Variants in DPY19L4 observed in about 807,000 individuals in gnomAD.
The protein encoded by DPY19L4 is dpy-19 like 4.
In DPY19L4, 97 loss-of-function variants were observed where a neutral mutation model predicts 102.8. The observed-to-expected ratio is 0.94, with a 90% CI of 0.80 to 1.12. DPY19L4 has a LOEUF of 1.12. Ranked by LOEUF, DPY19L4 falls within the 50% of genes most tolerant of loss-of-function variation. DPY19L4 has a pLI of 0.00. For missense variants in DPY19L4, 815 were observed against 850.4 expected (o/e 0.96, Z 0.52); for synonymous variants, 252 against 283.1 (o/e 0.89, Z 1.10).
At chr8:94,751,573 C>A (rs1030120571) in intron 6 of DPY19L4, among the ~76,000 whole-genome samples, 1 of 151,752 alleles carries the variant, frequency 6.6e-6, no homozygotes, top group South Asian at 2.1e-4. Context: ...CTCACTGCAG[C>A]CTCTGCCTCC....
chr8:94,722,750 C>T (rs976004046), intron 1 of DPY19L4, among the ~76,000 whole-genome samples: 3 of 152,086 alleles, frequency 2.0e-5, no homozygotes, highest in Admixed American at 1.3e-4. Flanking sequence ...ATCTTTTGTT[C>T]GCTGTGTTAA....
intron 18 of DPY19L4, among the ~76,000 whole-genome samples, chr8:94,789,115 C>G (rs1002818072): frequency 6.6e-6 from 1 of 152,192 alleles, no homozygotes; most frequent in African/African-American, 2.4e-5. Flanking sequence ...TGAAGCCTTT[C>G]TATTCTGCTC....
intron 6 of DPY19L4, among the ~76,000 whole-genome samples, chr8:94,749,110 C>G (rs190969638): frequency 1.3e-5 from 2 of 151,770 alleles, no homozygotes; most frequent in Non-Finnish European, 2.9e-5. Context: ...TTCACTATCA[C>G]GAGAATAGCA....
In DPY19L4 at chr8:94,726,406, T is replaced by C; in HGVS notation, c.92T>C (p.Ile31Thr). The C allele has an allele frequency of 1.2e-6, 2 of 1,610,694 alleles. No homozygotes were observed. The highest frequency in any genetic ancestry group is 1.7e-6 in the Non-Finnish European group (2 of 1,179,238). The change falls in exon 2 of 19, where the codon ATC becomes ACC. Residue 31 changes from isoleucine (I) to threonine (T), a missense_variant. Coordinates refer to ENST00000414645, the MANE Select transcript of DPY19L4 (RefSeq NM_181787.3). Reference protein sequence around the residue: ...ENKESAKEEKISDIPIPERAP... With the variant: ...ENKESAKEEKTSDIPIPERAP... ...AAGGAATCTGCCAAAGAAGAGAAAA[T>C]CAGTGACATTCCAATTCCTGAAAGA...
chr8:94,783,774 A>T lies in DPY19L4; in HGVS notation c.1820A>T (p.Asp607Val), dbSNP rs775042574. ...GTGACAAGTTTGCCTCTTTACAATG[A>T]TGATGATCTTCTCAAGAGAAATGAA... ...WMVTSLPLYNDDDLLKRNENI... is the reference protein window; with the variant it reads ...WMVTSLPLYNVDDLLKRNENI... The change falls in exon 17 of 19, where the codon GAT (aspartate) becomes GTT (valine). Residue 607 changes from aspartate to valine, a missense_variant. Coordinates refer to ENST00000414645, the MANE Select transcript of DPY19L4 (RefSeq NM_181787.3). The T allele has an allele frequency of 4.3e-6, 7 of 1,614,000 alleles. No individual in the cohort carries two copies. Among genetic ancestry groups the T allele is most frequent in the Non-Finnish European group, 5.1e-6 (6 of 1,180,016 alleles).
At chr8:94,720,360 G>C (rs867533422) in intron 1 of DPY19L4, 1 of 728,580 alleles carries the variant, frequency 1.4e-6, no homozygotes, top group African/African-American at 1.9e-5. Context: ...TCGAAGATCA[G>C]GTTTAGGTAC....
chr8:94,720,181 T>C, intron 1 of DPY19L4, 167 bp downstream of exon 1: 2 of 985,054 alleles, frequency 2.0e-6, no homozygotes, highest in Non-Finnish European at 2.4e-6. Flanking sequence ...TGCGGAGAAA[T>C]TCAGGAGAGC....
At chr8:94,741,046 T>A (rs184634874) in intron 6 of DPY19L4, among the ~76,000 whole-genome samples, 5 of 152,328 alleles carry the variant, frequency 3.3e-5, no homozygotes, top group Admixed American at 3.3e-4. Context: ...CTTTATCTCC[T>A]GTGTTTCTGT....
chr8:94,761,438 T>G (rs547308222), intron 7 of DPY19L4, among the ~76,000 whole-genome samples: 2 of 152,318 alleles, frequency 1.3e-5, no homozygotes, highest in African/African-American at 4.8e-5. Flanking sequence ...TTTCTTTTTC[T>G]TCCCCTTTGT....
Position 94,770,468 on chromosome 8 carries a change from GA to G in DPY19L4, c.1354del (p.Thr452LeufsTer15), listed in dbSNP as rs758866163. Reference sequence around the variant, plus strand: ...TTTTTGTAGTGGTAAGTCCCTGAAGGAAACTGTTACTCTTGAAGATGGACGA... The same window carrying G: ...TTTTTGTAGTGGTAAGTCCCTGAAGGAACTGTTACTCTTGAAGATGGACGA... ...FRRINGKSLK[E>X]TVTLEDGRIG... On this transcript the variant is annotated frameshift_variant, in exon 13 of 19. Coordinates refer to ENST00000414645, the MANE Select transcript of DPY19L4 (RefSeq NM_181787.3). LOFTEE classifies it high-confidence loss of function. 1 of 1,612,228 alleles carries G rather than the reference GA, an allele frequency of 6.2e-7. No individual in the cohort carries two copies. Among genetic ancestry groups the G allele is most frequent in the South Asian group, 1.1e-5 (1 of 90,568 alleles).
At chr8:94,725,275 A>G (rs891658160) in intron 1 of DPY19L4, among the ~76,000 whole-genome samples, 1 of 152,220 alleles carries the variant, frequency 6.6e-6, no homozygotes, top group Non-Finnish European at 1.5e-5. Context: ...TCACTTTATA[A>G]CTTGGCAGGA....
intron 13 of DPY19L4, among the ~76,000 whole-genome samples, chr8:94,772,286 A>G (rs987055494): frequency 2.0e-5 from 3 of 152,162 alleles, no homozygotes; most frequent in African/African-American, 7.2e-5. Flanking sequence ...TCAGAATGCA[A>G]TGGTCAGAAA....
intron 1 of DPY19L4, among the ~76,000 whole-genome samples, chr8:94,722,430 A>G (rs1173472391): frequency 6.6e-6 from 1 of 152,186 alleles, no homozygotes; most frequent in East Asian, 1.9e-4. Flanking sequence ...ATAAAATGAT[A>G]AATGATTTTT....
At chr8:94,722,024 A>C (rs1270719191) in intron 1 of DPY19L4, among the ~76,000 whole-genome samples, 2 of 152,132 alleles carry the variant, frequency 1.3e-5, no homozygotes, top group Non-Finnish European at 2.9e-5. Context: ...TAGGAGAATC[A>C]CTTGAACCCG....
chr8:94,783,041 G>A (rs1268400699), intron 16 of DPY19L4, among the ~76,000 whole-genome samples: 5 of 151,246 alleles, frequency 3.3e-5, no homozygotes, highest in African/African-American at 4.9e-5. Flanking sequence ...TATCCCTGGC[G>A]CATAGAGGTG....
intron 13 of DPY19L4, among the ~76,000 whole-genome samples, chr8:94,770,921 CTT>C (rs371611032): frequency 5.5e-4 from 76 of 139,168 alleles, no homozygotes; most frequent in Admixed American, 5.7e-4. Flanking sequence ...CAAAGATTGT[CTT>C]TTTTTTTTTT....
intron 2 of DPY19L4, among the ~76,000 whole-genome samples, chr8:94,729,383 A>G (rs1248174376): frequency 6.6e-6 from 1 of 151,252 alleles, no homozygotes; most frequent in Non-Finnish European, 1.5e-5. Flanking sequence ...AAACACACAC[A>G]CACACAAATT....
chr8:94,735,590 G>GT, intron 3 of DPY19L4, among the ~76,000 whole-genome samples: 1 of 152,188 alleles, frequency 6.6e-6, no homozygotes. Context: ...GGGGCAGTGG[G>GT]ACAGGCTGCG....
In DPY19L4 at chr8:94,738,570, A is replaced by G. The variant is rs148375784; in HGVS notation, c.343+111A>G. ...TGCTCTGTCACCCAGGCTGGAGTGC[A>G]GTGGTGCGATCTTGGCTCACTGTAA... On this transcript the variant is annotated intron_variant, in intron 4 of 18. Coordinates refer to ENST00000414645, the MANE Select transcript of DPY19L4 (RefSeq NM_181787.3). 6.2e-4 allele frequency: 226 copies of G among 363,316 alleles called. 1 individual carries two copies. Among genetic ancestry groups the G allele is most frequent in the African/African-American group, 5.1e-3 (204 of 40,210 alleles). 22.5% of individuals were successfully genotyped at this position (363,316 alleles called of 1,614,324 possible). A position where few individuals can be genotyped will look rare whatever the true frequency, so the allele number is the denominator to read the frequency against.
Sources: allele counts gnomAD v4.1 joint callset (sites outside exome capture counted in the v4.1 genomes callset), GRCh38; gene constraint gnomAD v4.1.1; transcripts MANE v1.5; gene names NCBI Gene and HGNC (gene_info 2026-07-23, HGNC 2026-07-21).